Variants in CYP20A1 observed in about 807,000 individuals in gnomAD.
The protein encoded by CYP20A1 is cytochrome P450 family 20 subfamily A member 1.
CYP20A1 carries 61 observed loss-of-function variants against 61.4 expected under a neutral mutation model. That is an observed-to-expected ratio of 0.99 (90% CI 0.81 to 1.23). The LOEUF (loss-of-function observed/expected upper bound fraction) is 1.23. Among genes scored for constraint, CYP20A1 ranks in the 50% most tolerant of loss-of-function variants. The pLI is 0.00. For synonymous variants in CYP20A1, 193 were observed against 188.2 expected (o/e 1.03, Z -0.21); for missense variants, 530 against 542.4 (o/e 0.98, Z 0.23).
chr2:203,275,299 A>C (rs1041361506), intron 6 of CYP20A1, among the ~76,000 whole-genome samples: 1 of 152,202 alleles, frequency 6.6e-6, no homozygotes. Flanking sequence ...CTACCTGTAA[A>C]CATTCAGATT....
intron 6 of CYP20A1, among the ~76,000 whole-genome samples, chr2:203,276,070 A>G (rs2067808895): frequency 6.6e-6 from 1 of 152,228 alleles, no homozygotes; most frequent in Non-Finnish European, 1.5e-5. Context: ...CTTGCAAGAG[A>G]TGAAACCACT....
chr2:203,284,721 T>G (rs2068192919), intron 8 of CYP20A1, among the ~76,000 whole-genome samples: 1 of 151,580 alleles, frequency 6.6e-6, no homozygotes, highest in African/African-American at 2.4e-5. Flanking sequence ...TCCCAGGTGG[T>G]TTTTGAGAAC....
intron 1 of CYP20A1, among the ~76,000 whole-genome samples, chr2:203,241,441 A>G (rs62183874): frequency 0.44 from 67,658 of 152,058 alleles, 16,889 homozygotes; most frequent in Middle Eastern, 0.67. Flanking sequence ...CTCCCAGACA[A>G]TTTAGATACA....
At chr2:203,273,137 GC>G (rs2067674878) in intron 6 of CYP20A1, among the ~76,000 whole-genome samples, 1 of 152,210 alleles carries the variant, frequency 6.6e-6, no homozygotes, top group African/African-American at 2.4e-5. Context: ...GTGCCACTGT[GC>G]CCGGCCTATA....
chr2:203,253,145 A>C (rs1279028897), intron 4 of CYP20A1, among the ~76,000 whole-genome samples: 1 of 152,074 alleles, frequency 6.6e-6, no homozygotes, highest in Non-Finnish European at 1.5e-5. Context: ...ACTATTCGGC[A>C]CACCCCAGGA....
chr2:203,271,751 G>C (rs1272706744), intron 5 of CYP20A1, among the ~76,000 whole-genome samples: 1 of 152,134 alleles, frequency 6.6e-6, no homozygotes, highest in South Asian at 2.1e-4. Flanking sequence ...ATACAAAAAT[G>C]AGGGCTGGGC....
intron 10 of CYP20A1, 34 bp downstream of exon 10, chr2:203,289,910 C>A: frequency 9.4e-7 from 1 of 1,063,588 alleles, no homozygotes; most frequent in Non-Finnish European, 1.4e-6. Flanking sequence ...ATTCATTCAG[C>A]TATTCTCAAC....
intron 7 of CYP20A1, 118 bp from the exon 8 acceptor site, chr2:203,279,935 CAAAATG>C: frequency 5.2e-6 from 3 of 580,334 alleles, no homozygotes; most frequent in Non-Finnish European, 8.2e-6. Context: ...GTGAAAACAT[CAAAATG>C]AAATAATATA....
At chr2:203,254,542 C>T (rs1309333604) in intron 4 of CYP20A1, among the ~76,000 whole-genome samples, 2 of 146,508 alleles carry the variant, frequency 1.4e-5, no homozygotes, top group East Asian at 4.0e-4. Context: ...GAGCTAGACT[C>T]GTCTCAAAAA....
chr2:203,290,467 A>G (rs1422836969), intron 10 of CYP20A1, among the ~76,000 whole-genome samples: 6 of 152,332 alleles, frequency 3.9e-5, no homozygotes, highest in Admixed American at 6.5e-5. Context: ...AGAAACACAC[A>G]TATACATATG....
Position 203,303,719 on chromosome 2 carries a change from A to G in CYP20A1, c.*6811A>G, listed in dbSNP as rs888425003. On this transcript the variant is annotated 3_prime_UTR_variant, in exon 13 of 13. Coordinates refer to ENST00000356079, the MANE Select transcript of CYP20A1 (RefSeq NM_177538.3). ...AACCAAGAAAAAAGAAAAAAAGAAA[A>G]AGAAAACTTAACTGGCCTTTGGGGC... Among the ~76,000 whole-genome samples, 1 of 151,884 alleles carries G rather than the reference A, an allele frequency of 6.6e-6. No individual in the cohort carries two copies. The highest frequency in any genetic ancestry group is 1.5e-5 in the Non-Finnish European group (1 of 67,986).
chr2:203,260,236 AT>A, intron 4 of CYP20A1, among the ~76,000 whole-genome samples: 1 of 139,320 alleles, frequency 7.2e-6, no homozygotes, highest in South Asian at 2.3e-4. Flanking sequence ...CTATTTATTT[AT>A]TTTTTGAGAC....
At chr2:203,243,003 C>T (rs2066309345) in intron 1 of CYP20A1, among the ~76,000 whole-genome samples, 1 of 152,198 alleles carries the variant, frequency 6.6e-6, no homozygotes, top group African/African-American at 2.4e-5. Flanking sequence ...CACAGCCATA[C>T]TGACTAGTCT....
At chr2:203,259,927 A>G (rs2067069314) in intron 4 of CYP20A1, 1 of 144,058 alleles carries the variant, frequency 6.9e-6, no homozygotes, top group Non-Finnish European at 1.5e-5. Context: ...TTACAGGCAT[A>G]TCTTTTTATT....
At chr2:203,247,357 T>G (rs2066497828) in intron 3 of CYP20A1, among the ~76,000 whole-genome samples, 1 of 152,356 alleles carries the variant, frequency 6.6e-6, no homozygotes, top group South Asian at 2.1e-4. Flanking sequence ...CTTTGTACTA[T>G]GTGCTAGGCA....
chr2:203,251,818 A>AT (rs34132653), intron 3 of CYP20A1, 149 bp from the exon 4 acceptor site: 6,488 of 77,448 alleles, frequency 0.084, 561 homozygotes, highest in South Asian at 0.16. Flanking sequence ...TATATATATA[A>AT]AAAATAAAAA....
chr2:203,270,322 G>A (rs1321046982), intron 5 of CYP20A1, among the ~76,000 whole-genome samples: 3 of 151,486 alleles, frequency 2.0e-5, no homozygotes, highest in Admixed American at 2.0e-4. Flanking sequence ...TTTTTTTTAT[G>A]TCCTCTGCCT....
chr2:203,271,353 G>A (rs186108497), intron 5 of CYP20A1, among the ~76,000 whole-genome samples: 7 of 151,732 alleles, frequency 4.6e-5, no homozygotes, highest in Non-Finnish European at 8.8e-5. Context: ...CTCCCAAAGT[G>A]CTAGGATTAC....
intron 4 of CYP20A1, among the ~76,000 whole-genome samples, chr2:203,265,680 T>A (rs1389011536): frequency 2.0e-5 from 3 of 152,082 alleles, no homozygotes; most frequent in Admixed American, 6.6e-5. Flanking sequence ...CTACAAATGT[T>A]TTTTGTTTGT....
Sources: gnomAD v4.1 joint callset for allele counts (sites outside exome capture counted in the v4.1 genomes callset) on GRCh38, gnomAD v4.1.1 for gene constraint, MANE v1.5 for transcripts, NCBI Gene and HGNC (gene_info 2026-07-23, HGNC 2026-07-21) for gene names.